COL11A1: variants seen among roughly 807,000 people sequenced by gnomAD.
COL11A1 encodes collagen type XI alpha 1 chain.
In COL11A1, 74 loss-of-function variants were observed where a neutral mutation model predicts 265.2. The ratio of observed to expected loss-of-function variants is 0.28; its 90% CI spans 0.23 to 0.34. The LOEUF is 0.34. Ranked by LOEUF, COL11A1 falls within the 10% of genes least tolerant of loss-of-function variation. The pLI is 1.00. For synonymous variants in COL11A1, 816 were observed against 727.6 expected (o/e 1.12, Z -1.96); for missense variants, 2,165 against 2,263.6 (o/e 0.96, Z 0.88).
intron 4 of COL11A1, among the ~76,000 whole-genome samples, chr1:103,045,377 G>A (rs1181690011): frequency 6.6e-6 from 1 of 152,116 alleles, no homozygotes; most frequent in African/African-American, 2.4e-5. Context: ...GAGAACAGAT[G>A]AAATGGCAAA....
intron 4 of COL11A1, among the ~76,000 whole-genome samples, chr1:103,043,237 A>C (rs1162726697): frequency 6.9e-6 from 1 of 144,614 alleles, no homozygotes; most frequent in Non-Finnish European, 1.5e-5. Flanking sequence ...TGTATATATG[A>C]AATACATCAT....
At chr1:102,990,616 T>G (rs1337739768) in intron 28 of COL11A1, among the ~76,000 whole-genome samples, 1 of 152,116 alleles carries the variant, frequency 6.6e-6, no homozygotes, top group Non-Finnish European at 1.5e-5. Flanking sequence ...TATTATCTCT[T>G]AAGTTCAAGA....
intron 4 of COL11A1, among the ~76,000 whole-genome samples, chr1:103,071,741 C>T (rs1377258035): frequency 1.4e-5 from 2 of 143,324 alleles, no homozygotes; most frequent in Admixed American, 7.1e-5. Context: ...GTTAGTTGCC[C>T]ATATCAAAAG....
chr1:102,944,952 T>C (rs1659099361), intron 42 of COL11A1, among the ~76,000 whole-genome samples: 2 of 152,312 alleles, frequency 1.3e-5, no homozygotes, highest in Admixed American at 1.3e-4. Flanking sequence ...TTTCTCAGCA[T>C]ATTAAAAGTG....
At chr1:102,910,772 C>A (rs11806144) in intron 54 of COL11A1, among the ~76,000 whole-genome samples, 3 of 151,956 alleles carry the variant, frequency 2.0e-5, no homozygotes, top group Non-Finnish European at 4.4e-5. Context: ...ATTTGCCCAA[C>A]GTAATACAGG....
chr1:102,936,639 T>C (rs1658176266), intron 44 of COL11A1, among the ~76,000 whole-genome samples: 1 of 152,198 alleles, frequency 6.6e-6, no homozygotes, highest in Admixed American at 6.5e-5. Context: ...GCATAAAGAA[T>C]TGTGTCAACA....
chr1:102,924,134 T>C (rs1049528565), intron 46 of COL11A1, among the ~76,000 whole-genome samples: 11 of 151,562 alleles, frequency 7.3e-5, no homozygotes, highest in Non-Finnish European at 1.2e-4. Flanking sequence ...GGCAGGAGAA[T>C]GGTGTGAACT....
At chr1:103,102,595 G>A (rs1486703500) in intron 1 of COL11A1, among the ~76,000 whole-genome samples, 5 of 152,018 alleles carry the variant, frequency 3.3e-5, no homozygotes, top group Admixed American at 2.0e-4. Flanking sequence ...TAATGATCAC[G>A]CCATCCATGC....
At chr1:103,045,290 A>T (rs2102077323) in intron 4 of COL11A1, among the ~76,000 whole-genome samples, 1 of 152,322 alleles carries the variant, frequency 6.6e-6, no homozygotes, top group Non-Finnish European at 1.5e-5. Context: ...GAGGTGGCAC[A>T]CTTCATTCAT....
intron 36 of COL11A1, among the ~76,000 whole-genome samples, chr1:102,971,037 C>A (rs1661932642): frequency 7.0e-6 from 1 of 142,472 alleles, no homozygotes; most frequent in African/African-American, 2.6e-5. Flanking sequence ...AAAAAAAAAC[C>A]AAGAATGCAA....
intron 54 of COL11A1, among the ~76,000 whole-genome samples, chr1:102,900,778 A>G (rs951531128): frequency 6.6e-6 from 1 of 152,224 alleles, no homozygotes; most frequent in Non-Finnish European, 1.5e-5. Context: ...CTTCTTGTCT[A>G]AATAATTTCT....
intron 57 of COL11A1, among the ~76,000 whole-genome samples, chr1:102,896,484 C>A (rs1033775774): frequency 6.6e-6 from 1 of 152,114 alleles, no homozygotes; most frequent in Non-Finnish European, 1.5e-5. Context: ...ATTGAGATTA[C>A]ATATCACAAG....
intron 2 of COL11A1, among the ~76,000 whole-genome samples, chr1:103,080,046 A>T (rs1471058824): frequency 6.6e-6 from 1 of 151,198 alleles, no homozygotes; most frequent in Non-Finnish European, 1.5e-5. Flanking sequence ...TTTTATAATA[A>T]GCTGCAATGA....
At chr1:102,970,066 ATATG>A (rs1246325991) in intron 37 of COL11A1, among the ~76,000 whole-genome samples, 149 bp downstream of exon 37, 13 of 151,398 alleles carry the variant, frequency 8.6e-5, no homozygotes, top group African/African-American at 4.8e-5. Context: ...ATTTATATAT[ATATG>A]TATATTTCAA....
intron 50 of COL11A1, 121 bp from the exon 51 acceptor site, chr1:102,914,932 A>G (rs1655143746): frequency 1.6e-5 from 13 of 790,476 alleles, no homozygotes; most frequent in Non-Finnish European, 2.4e-5. Flanking sequence ...TTTAGACGGA[A>G]TATCACTTTG....
intron 46 of COL11A1, among the ~76,000 whole-genome samples, chr1:102,931,594 A>T (rs973154343): frequency 5.9e-5 from 9 of 152,144 alleles, no homozygotes; most frequent in Non-Finnish European, 1.2e-4. Context: ...AGAGTTCTGT[A>T]GATGTCTATT....
At position 102,888,628 on chromosome 1, in the gene COL11A1, T is replaced by C; in HGVS notation, c.4557A>G (p.Gly1519=). ...CACTGTCACCTTTCTGGCCAGCGGGTCCCTGTTAGAAAGAAGAGAGAGGAC... is the reference window on the plus strand; with the variant it reads ...CACTGTCACCTTTCTGGCCAGCGGGCCCCTGTTAGAAAGAAGAGAGAGGAC... ...QGPKGNKGST[G]PAGQKGDSGL... The change falls in exon 62 of 67, where the codon GGA becomes GGG. Residue 1519 remains glycine, a splice_region_variant and synonymous_variant. Transcript: ENST00000370096. The C allele has an allele frequency of 6.2e-7, 1 of 1,613,748 alleles. No individual in the cohort carries two copies. The highest frequency in any genetic ancestry group is 8.5e-7 in the Non-Finnish European group (1 of 1,179,784).
At chr1:102,901,215 G>A (rs532396004) in intron 54 of COL11A1, among the ~76,000 whole-genome samples, 126 of 152,040 alleles carry the variant, frequency 8.3e-4, no homozygotes, top group Non-Finnish European at 1.3e-3. Context: ...AGCTACTCGG[G>A]AGGCTGAGGC....
chr1:103,069,047 G>C (rs1001453476), intron 4 of COL11A1, among the ~76,000 whole-genome samples: 1 of 151,622 alleles, frequency 6.6e-6, no homozygotes. Flanking sequence ...ACAACTTCTT[G>C]TAGAAGTTAA....
Sources: gnomAD v4.1 joint callset for allele counts (sites outside exome capture counted in the v4.1 genomes callset) on GRCh38, gnomAD v4.1.1 for gene constraint, MANE v1.5 for transcripts, NCBI Gene and HGNC (gene_info 2026-07-23, HGNC 2026-07-21) for gene names.